The following ACSF3 variants were observed in gnomAD, a reference collection of about 807,000 sequenced individuals.
ACSF3 encodes malonate--CoA ligase ACSF3, mitochondrial.
In ACSF3, 78 loss-of-function variants were observed where a neutral mutation model predicts 53.2. That is an observed-to-expected ratio of 1.47 (90% CI 1.22 to 1.77). ACSF3 has a LOEUF of 1.77. Ranked by LOEUF, ACSF3 falls within the 40% of genes most tolerant of loss-of-function variation. The pLI, the probability that ACSF3 is intolerant of heterozygous loss-of-function variation, is 0.00. For synonymous variants in ACSF3, 414 were observed against 333.1 expected (o/e 1.24, Z -2.65); for missense variants, 937 against 771.1 (o/e 1.22, Z -2.55).
chr16:89,146,441 G>A lies in ACSF3; in HGVS notation c.1613+392G>A, dbSNP rs372193217. Among the ~76,000 whole-genome samples, 35 of 152,160 alleles carry A rather than the reference G, an allele frequency of 2.3e-4. No individual in the cohort carries two copies. In the East Asian group the frequency reaches 5.2e-3, roughly 23 times the overall value. ...GGCCGCACGCGCTGGGCCCTTCCCC[G>A]CCAGGCCACAGGCAGCCTGTCCACC... is the stretch of plus-strand genomic sequence containing the variant. On this transcript the variant is annotated intron_variant, in intron 10 of 10. Transcript: ENST00000614302.
intron 4 of ACSF3, 122 bp downstream of exon 4, chr16:89,102,881 C>A: frequency 1.4e-6 from 2 of 1,391,530 alleles, no homozygotes; most frequent in African/African-American, 2.8e-5. Context: ...TCAGGGCTCT[C>A]GGCCGCGCCC....
Position 89,156,093 on chromosome 16 carries a change from G to T in ACSF3, c.*1886G>T, listed in dbSNP as rs1889476207. ...ACTCTCCAGCTGGTCCCTGTGCCAG[G>T]CTGGTCGGCCTTCGTGCACACAGTC... is the stretch of plus-strand genomic sequence containing the variant. On this transcript the variant is annotated 3_prime_UTR_variant, in exon 11 of 11. Transcript: ENST00000614302. 6.6e-6 allele frequency among the ~76,000 whole-genome samples: 1 copy of T among 152,116 alleles called. No homozygotes were observed. Among genetic ancestry groups the T allele is most frequent in the Non-Finnish European group, 1.5e-5 (1 of 68,006 alleles).
chr16:89,119,719 C>G (rs966035748), intron 6 of ACSF3, among the ~76,000 whole-genome samples: 2 of 152,208 alleles, frequency 1.3e-5, no homozygotes, highest in African/African-American at 2.4e-5. Flanking sequence ...AGGTGACACT[C>G]CGCACACCAC....
At chr16:89,109,229 C>CAA (rs773650798) in intron 4 of ACSF3, among the ~76,000 whole-genome samples, 16 of 68,456 alleles carry the variant, frequency 2.3e-4, no homozygotes, top group Admixed American at 5.4e-4. Flanking sequence ...AAGACTGTCT[C>CAA]AAAAAAAAAA....
At chr16:89,106,001 C>T (rs1975933772) in intron 4 of ACSF3, among the ~76,000 whole-genome samples, 1 of 152,250 alleles carries the variant, frequency 6.6e-6, no homozygotes, top group Non-Finnish European at 1.5e-5. Context: ...CCAGTGCCCA[C>T]AGGCACACGG....
At position 89,098,666 on chromosome 16, in the gene ACSF3, C is replaced by T. The variant is rs543967889; in HGVS notation, c.-118C>T. 230 of 454,136 alleles carry T rather than the reference C, an allele frequency of 5.1e-4. 3 individuals are homozygous for T. The highest frequency in any genetic ancestry group is 3.9e-3 in the African/African-American group (196 of 50,134). 28.1% of individuals were successfully genotyped at this position (454,136 alleles called of 1,614,324 possible). ...GGAGGATGAGCATTTGCATTGCCTGCACCTTATCGTGCCCTTCCACCTGCT... is the reference window on the plus strand; with the variant it reads ...GGAGGATGAGCATTTGCATTGCCTGTACCTTATCGTGCCCTTCCACCTGCT... On this transcript the variant is annotated 5_prime_UTR_variant, in exon 2 of 11. Transcript: ENST00000614302.
At chr16:89,119,031 A>G (rs1174237879) in intron 6 of ACSF3, among the ~76,000 whole-genome samples, 1 of 150,802 alleles carries the variant, frequency 6.6e-6, no homozygotes. Context: ...TGGCACCTGG[A>G]GTGTGGGGGC....
intron 8 of ACSF3, chr16:89,136,721 CCACCTGCCTCTGT>C: frequency 7.8e-7 from 1 of 1,287,288 alleles, no homozygotes; most frequent in Non-Finnish European, 1.0e-6. Context: ...CCTGCCTCCC[CCACCTGCCTCTGT>C]GCCTACAGCC....
In ACSF3 at chr16:89,104,233, A is replaced by G. The variant is rs577533837; in HGVS notation, c.822+1474A>G. ...TGAATATGCCTTTTATTCACAGGAAAAAAAGTTTAACACGTGAATGTATGG... is the reference window on the plus strand; with the variant it reads ...TGAATATGCCTTTTATTCACAGGAAGAAAAGTTTAACACGTGAATGTATGG... On this transcript the variant is annotated intron_variant, in intron 4 of 10. Coordinates refer to ENST00000614302, the MANE Select transcript of ACSF3 (RefSeq NM_001243279.3). Among the ~76,000 whole-genome samples, 5 of 152,366 alleles carry G rather than the reference A, an allele frequency of 3.3e-5. No homozygotes were observed. In the South Asian group the frequency reaches 1.0e-3, roughly 32 times the overall value.
At chr16:89,105,534 C>G (rs533565429) in intron 4 of ACSF3, among the ~76,000 whole-genome samples, 16 of 152,334 alleles carry the variant, frequency 1.1e-4, no homozygotes, top group South Asian at 4.1e-4. Flanking sequence ...CAGCTCCCTC[C>G]TCTCCGCCTT....
chr16:89,102,512 C>G, intron 3 of ACSF3, 92 bp from the exon 4 acceptor site: 1 of 1,481,866 alleles, frequency 6.7e-7, no homozygotes, highest in Non-Finnish European at 9.3e-7. Flanking sequence ...GTGGGGAGGC[C>G]CAGAGCTCCT....
At chr16:89,109,273 C>G (rs1199396505) in intron 4 of ACSF3, among the ~76,000 whole-genome samples, 1 of 148,366 alleles carries the variant, frequency 6.7e-6, no homozygotes, top group East Asian at 2.0e-4. Flanking sequence ...AACTGGCAAA[C>G]TGTTTTCCAA....
chr16:89,102,475 A>T, intron 3 of ACSF3, 129 bp from the exon 4 acceptor site: 1 of 1,085,686 alleles, frequency 9.2e-7, no homozygotes, highest in Non-Finnish European at 1.4e-6. Context: ...AGCAACAAAG[A>T]GCCAGCCTTC....
At chr16:89,119,937 C>T (rs1906207658) in intron 6 of ACSF3, among the ~76,000 whole-genome samples, 1 of 152,252 alleles carries the variant, frequency 6.6e-6, no homozygotes, top group Non-Finnish European at 1.5e-5. Context: ...CGTTCAGGCA[C>T]TCCCCTGACG....
At chr16:89,114,815 C>G (rs1904802181) in intron 6 of ACSF3, 2 of 399,838 alleles carry the variant, frequency 5.0e-6, no homozygotes, top group South Asian at 4.1e-5. Flanking sequence ...GGGGGCCATG[C>G]TGTTGGCTCC....
Position 89,154,305 on chromosome 16 carries a change from C to A in ACSF3, c.*98C>A. 9.1e-7 allele frequency: 1 copy of A among 1,096,710 alleles called. No individual in the cohort carries two copies. Among genetic ancestry groups the A allele is most frequent in the Non-Finnish European group, 1.4e-6 (1 of 732,666 alleles). The allele number at this position is 1,096,710 out of a possible 1,614,324, so 67.9% of individuals were successfully genotyped here. On this transcript the variant is annotated 3_prime_UTR_variant, in exon 11 of 11. Transcript: ENST00000614302. ...CGTCCAAGACCTGGCCTCCCTTAAA[C>A]CTGAACCCCCCAAATCAGGTCACGT... is the stretch of plus-strand genomic sequence containing the variant.
At chr16:89,100,261 CG>C (rs35684261) in intron 2 of ACSF3, among the ~76,000 whole-genome samples, 7 of 152,164 alleles carry the variant, frequency 4.6e-5, no homozygotes, top group African/African-American at 7.2e-5. Flanking sequence ...CTGTTGTGAG[CG>C]GGGGCTGTGC....
At chr16:89,144,551 A>G (rs541404534) in intron 8 of ACSF3, among the ~76,000 whole-genome samples, 1 of 152,288 alleles carries the variant, frequency 6.6e-6, no homozygotes, top group African/African-American at 2.4e-5. Flanking sequence ...GGGATGTTGT[A>G]ATGTGTCTGG....
intron 8 of ACSF3, 129 bp downstream of exon 8, chr16:89,133,391 G>A: frequency 2.3e-6 from 3 of 1,320,040 alleles, no homozygotes; most frequent in Non-Finnish European, 3.2e-6. Flanking sequence ...AGATGGGGTG[G>A]AGTGGGGCTG....
Sources: allele counts gnomAD v4.1 joint callset (sites outside exome capture counted in the v4.1 genomes callset), GRCh38; gene constraint gnomAD v4.1.1; transcripts MANE v1.5; gene names NCBI Gene and HGNC (gene_info 2026-07-23, HGNC 2026-07-21).